AKAP9: variants seen among roughly 807,000 people sequenced by gnomAD.
The protein encoded by AKAP9 is A-kinase anchoring protein 9.
AKAP9 carries 311 observed loss-of-function variants against 488.5 expected under a neutral mutation model. The observed-to-expected ratio is 0.64, with a 90% CI of 0.58 to 0.70. AKAP9 has a LOEUF of 0.70. Ranked by LOEUF, AKAP9 falls within the 30% of genes least tolerant of loss-of-function variation. AKAP9 has a pLI of 0.00. For missense variants in AKAP9, 4,215 were observed against 4,374.5 expected (o/e 0.96, Z 1.03); for synonymous variants, 1,462 against 1,483.5 (o/e 0.99, Z 0.33).
In AKAP9 at chr7:92,079,586, T is replaced by C. The variant is rs1813180723; in HGVS notation, c.7453T>C (p.Ser2485Pro). 1.2e-6 allele frequency: 2 copies of C among 1,613,828 alleles called. No individual in the cohort carries two copies. Among genetic ancestry groups the C allele is most frequent in the Non-Finnish European group, 1.7e-6 (2 of 1,179,986 alleles). ...CCTAGAAAATCAGACATACTTCAAATCTTTTGAAGAAAATGGCAAAGGTTC... is the reference window on the plus strand; with the variant it reads ...CCTAGAAAATCAGACATACTTCAAACCTTTTGAAGAAAATGGCAAAGGTTC... ...KSLENQTYFK[S>P]FEENGKGSII... Residue 2485 changes from serine (S) to proline (P), a missense_variant, in exon 31 of 50, where the codon TCT becomes CCT. Physicochemically the swap from Ser to Pro is moderately conservative, Grantham distance 74 (BLOSUM62 -1). This residue lies in a region of AKAP9 where 1,476 missense variants were observed against 1,477.4 expected (regional missense o/e 1.00). Coordinates refer to ENST00000356239, the MANE Select transcript of AKAP9 (RefSeq NM_005751.5).
chr7:91,952,007 A>T (rs1412094332), intron 1 of AKAP9, among the ~76,000 whole-genome samples: 1 of 152,174 alleles, frequency 6.6e-6, no homozygotes, highest in Non-Finnish European at 1.5e-5. Context: ...GCCTCTATTC[A>T]TCTTCTCTGG....
intron 16 of AKAP9, among the ~76,000 whole-genome samples, chr7:92,037,029 A>G (rs187341207): frequency 6.6e-6 from 1 of 152,306 alleles, no homozygotes; most frequent in East Asian, 1.9e-4. Context: ...AGCTCTGTAT[A>G]GACACATTTT....
chr7:92,072,010 G>A (rs1811811752), intron 28 of AKAP9, among the ~76,000 whole-genome samples: 2 of 152,008 alleles, frequency 1.3e-5, no homozygotes. Flanking sequence ...TTGTTTATAT[G>A]TAACTATTTC....
At chr7:91,973,202 T>C (rs1795295945) in intron 1 of AKAP9, among the ~76,000 whole-genome samples, 2 of 152,020 alleles carry the variant, frequency 1.3e-5, no homozygotes, top group African/African-American at 4.8e-5. Context: ...GTGGCAAAAA[T>C]CTGTCTGTAC....
At position 92,068,381 on chromosome 7, in the gene AKAP9, A is replaced by AG. The variant is rs1344580078; in HGVS notation, c.6331-1649_6331-1648insG. On this transcript the variant is annotated intron_variant, in intron 26 of 49. Transcript: ENST00000356239. Reference sequence around the variant, plus strand: ...ACTCCGTCTCAAAAAAAAAAAAAAAAAAAAAAGAAAAAAGTTATCCACAGT... The same window carrying AG: ...ACTCCGTCTCAAAAAAAAAAAAAAAAGAAAAAAGAAAAAAGTTATCCACAGT... 2.7e-3 allele frequency among the ~76,000 whole-genome samples: 405 copies of AG among 151,356 alleles called. 2 individuals carry two copies. The highest frequency in any genetic ancestry group is 9.3e-3 in the African/African-American group (383 of 41,270).
At chr7:91,953,248 AG>A (rs1373364744) in intron 1 of AKAP9, among the ~76,000 whole-genome samples, 2 of 152,226 alleles carry the variant, frequency 1.3e-5, no homozygotes, top group East Asian at 3.8e-4. Flanking sequence ...GTTACTACTA[AG>A]AAAAATGTGG....
intron 38 of AKAP9, chr7:92,092,104 C>G (rs993433831): frequency 6.6e-6 from 1 of 152,168 alleles, no homozygotes. Context: ...GTCTCCAGAC[C>G]TTTTCAATGT....
At chr7:92,082,692 C>T (rs182935899) in intron 32 of AKAP9, 30 bp downstream of exon 32, 2 of 1,610,818 alleles carry the variant, frequency 1.2e-6, no homozygotes, top group African/African-American at 1.3e-5. Context: ...TCCTAATTCA[C>T]TCATTTCTAC....
At position 92,077,763 on chromosome 7, in the gene AKAP9, T is replaced by C; in HGVS notation, c.6833T>C (p.Val2278Ala). 2 of 1,613,920 alleles carry C rather than the reference T, an allele frequency of 1.2e-6. No individual in the cohort carries two copies. The highest frequency in any genetic ancestry group is 1.1e-5 in the South Asian group (1 of 91,084). ...GCCATGTCTACTCAAGACCAACATG[T>C]GCTATTTGGGAAATTTGCTCAAATA... ...SDAMSTQDQH[V>A]LFGKFAQIIQ... Residue 2278 changes from valine (V) to alanine (A), a missense_variant, in exon 30 of 50, where the codon GTG (valine) becomes GCG (alanine). Transcript: ENST00000356239.
At chr7:92,034,318 C>A (rs912810056) in intron 16 of AKAP9, among the ~76,000 whole-genome samples, 8 of 151,998 alleles carry the variant, frequency 5.3e-5, no homozygotes, top group African/African-American at 1.9e-4. Context: ...CAGTTTAATC[C>A]TGCAACTCCC....
At position 92,085,635 on chromosome 7, in the gene AKAP9, C is replaced by G. The variant is rs780691302; in HGVS notation, c.8973C>G (p.Ile2991Met). Residue 2991 changes from isoleucine to methionine, a missense_variant, in exon 36 of 50, where the codon ATC (isoleucine) becomes ATG (methionine). Around this residue, in one of 5 missense-constraint regions of AKAP9, gnomAD observed 1,476 missense variants for 1,477.4 expected, o/e 1.00. Transcript: ENST00000356239. ...AGAGAAAAGCTTACATCAATACAAT[C>G]TCATCTCTAAAGGATTTAATTACAA... ...LEERKAYINTISSLKDLITKM... is the reference protein window; with the variant it reads ...LEERKAYINTMSSLKDLITKM... 2.5e-6 allele frequency: 4 copies of G among 1,613,662 alleles called. No homozygotes were observed. Among genetic ancestry groups the G allele is most frequent in the Non-Finnish European group, 3.4e-6 (4 of 1,179,876 alleles).
At chr7:92,043,360 T>A (rs1386579431) in intron 20 of AKAP9, 2 of 981,832 alleles carry the variant, frequency 2.0e-6, no homozygotes, top group Admixed American at 1.2e-4. Context: ...AGTATGGAAC[T>A]CAAACAAGAA....
intron 33 of AKAP9, among the ~76,000 whole-genome samples, chr7:92,083,882 GT>G (rs941937305): frequency 3.9e-5 from 6 of 152,070 alleles, no homozygotes; most frequent in Non-Finnish European, 5.9e-5. Flanking sequence ...GGATGTGCAG[GT>G]TTGTTACACA....
At chr7:92,074,278 C>G (rs919834144) in intron 28 of AKAP9, among the ~76,000 whole-genome samples, 1 of 152,180 alleles carries the variant, frequency 6.6e-6, no homozygotes, top group African/African-American at 2.4e-5. Flanking sequence ...CTCATCATCA[C>G]TGGTCATCAG....
Position 92,097,748 on chromosome 7 carries a change from T to C in AKAP9, c.10561T>C (p.Cys3521Arg). 1 of 1,614,196 alleles carries C rather than the reference T, an allele frequency of 6.2e-7. No homozygotes were observed. The highest frequency in any genetic ancestry group is 8.5e-7 in the Non-Finnish European group (1 of 1,180,032). ...ELEMIRQKLQ[C>R]VASKLQVLPQ... ...AGAAATGATCAGACAAAAGCTTCAATGTGTAGCTTCAAAACTACAGGTTCT... is the reference window on the plus strand; with the variant it reads ...AGAAATGATCAGACAAAAGCTTCAACGTGTAGCTTCAAAACTACAGGTTCT... Residue 3521 changes from cysteine (C) to arginine (R), a missense_variant, in exon 42 of 50, where the codon TGT becomes CGT. Coordinates refer to ENST00000356239, the MANE Select transcript of AKAP9 (RefSeq NM_005751.5).
intron 25 of AKAP9, among the ~76,000 whole-genome samples, chr7:92,065,840 C>G (rs1157967134): frequency 6.6e-6 from 1 of 152,096 alleles, no homozygotes; most frequent in Non-Finnish European, 1.5e-5. Flanking sequence ...ACACATAGAA[C>G]AGTGTGGCCA....
rs1811404400 is a variant in AKAP9 at position 92,069,911 on chromosome 7, C to T, written c.6331-119C>T. The T allele has an allele frequency of 6.8e-6, 6 of 883,516 alleles. No homozygotes were observed. The South Asian group carries it at 8.5e-5, about 12-fold the overall frequency. 54.7% of individuals were successfully genotyped at this position (883,516 alleles called of 1,614,324 possible). A position where few individuals can be genotyped will look rare whatever the true frequency, so the allele number is the denominator to read the frequency against. ...CATTTCTTAAACAGACAAACAAAAA[C>T]GTTTCAGATTTTGGAGCATTTTGGA... On this transcript the variant is annotated intron_variant, in intron 26 of 49. Transcript: ENST00000356239.
At chr7:91,976,550 C>G (rs1406690760) in intron 2 of AKAP9, among the ~76,000 whole-genome samples, 3 of 152,084 alleles carry the variant, frequency 2.0e-5, no homozygotes, top group Non-Finnish European at 4.4e-5. Context: ...TTGTTAAATG[C>G]TTTTTTTGTG....
Position 92,001,950 on chromosome 7 carries a change from T to C in AKAP9, c.2033T>C (p.Ile678Thr). 6.2e-7 allele frequency: 1 copy of C among 1,612,994 alleles called. No individual in the cohort carries two copies. Among genetic ancestry groups the C allele is most frequent in the Non-Finnish European group, 8.5e-7 (1 of 1,179,588 alleles). ...TTACAGAATGAAATGAGTCAAAAGA[T>C]AGAAACCATGCAGTTTGAAAAGGAC... ...DGLQNEMSQKIETMQFEKDNL... is the reference protein window; with the variant it reads ...DGLQNEMSQKTETMQFEKDNL... Residue 678 changes from isoleucine (I) to threonine (T), a missense_variant, in exon 8 of 50, where the codon ATA becomes ACA. Transcript: ENST00000356239.
Sources: allele counts gnomAD v4.1 joint callset (sites outside exome capture counted in the v4.1 genomes callset), GRCh38; gene constraint gnomAD v4.1.1; regional missense constraint gnomAD v4.1.1; transcripts MANE v1.5; gene names NCBI Gene and HGNC (gene_info 2026-07-23, HGNC 2026-07-21).